The following ZNF695 variants were observed in gnomAD, a reference collection of about 807,000 sequenced individuals.
ZNF695 encodes zinc finger protein SBZF3.
ZNF695 carries 11 observed loss-of-function variants against 11.2 expected under a neutral mutation model. The observed-to-expected ratio is 0.98, with a 90% confidence interval of 0.62 to 1.62. ZNF695 has a LOEUF of 1.62. Ranked by LOEUF, ZNF695 falls within the 40% of genes most tolerant of loss-of-function variation. ZNF695 has a pLI of 0.00. For missense variants in ZNF695, 559 were observed against 590.5 expected (o/e 0.95, Z 0.55); for synonymous variants, 190 against 201.4 (o/e 0.94, Z 0.48).
intron 5 of ZNF695, among the ~76,000 whole-genome samples, chr1:246,962,849 C>T (rs564178380): frequency 1.1e-4 from 17 of 152,218 alleles, no homozygotes; most frequent in African/African-American, 2.9e-4. Flanking sequence ...CCCGCCACCA[C>T]GCCCGGCTAA....
chr1:246,963,002 T>C (rs1450954060), intron 5 of ZNF695, among the ~76,000 whole-genome samples: 1 of 152,182 alleles, frequency 6.6e-6, no homozygotes, highest in Admixed American at 6.6e-5. Flanking sequence ...GATTCCTCGC[T>C]GCCTTTAGGC....
chr1:246,957,643 G>T (rs1311490722), intron 5 of ZNF695, among the ~76,000 whole-genome samples: 2 of 150,984 alleles, frequency 1.3e-5, no homozygotes, highest in Non-Finnish European at 3.0e-5. Flanking sequence ...GGCAGATTGG[G>T]TTTTTTTTTG....
At chr1:246,993,135 G>A (rs962403718) in intron 3 of ZNF695, among the ~76,000 whole-genome samples, 6 of 152,318 alleles carry the variant, frequency 3.9e-5, no homozygotes, top group African/African-American at 1.2e-4. Context: ...ATAGCCGGGT[G>A]CAGTGGCTCA....
At chr1:246,980,179 A>T (rs1317654482) in intron 4 of ZNF695, among the ~76,000 whole-genome samples, 4 of 92,508 alleles carry the variant, frequency 4.3e-5, no homozygotes, top group South Asian at 3.3e-4. Flanking sequence ...CTCTGTATTT[A>T]AAAAAAAAAA....
At chr1:246,995,920 C>A in intron 3 of ZNF695, 2 of 343,580 alleles carry the variant, frequency 5.8e-6, no homozygotes, top group African/African-American at 2.3e-5. Flanking sequence ...AACACAGAAA[C>A]AAACCTCCAC....
At chr1:246,997,716 A>C (rs1026242838) in intron 3 of ZNF695, among the ~76,000 whole-genome samples, 1 of 152,234 alleles carries the variant, frequency 6.6e-6, no homozygotes, top group Admixed American at 6.5e-5. Context: ...CATATACATA[A>C]TAGAGTATTA....
chr1:246,959,639 G>A (rs1384061032), intron 5 of ZNF695, among the ~76,000 whole-genome samples: 2 of 151,742 alleles, frequency 1.3e-5, no homozygotes, highest in Non-Finnish European at 2.9e-5. Flanking sequence ...TCTTGGCCAG[G>A]CTGGTCTCGA....
At chr1:246,945,933 T>C (rs1386149173) in intron 5 of ZNF695, 6 of 1,387,626 alleles carry the variant, frequency 4.3e-6, no homozygotes, top group Admixed American at 2.0e-5. Context: ...CTTGGTTCCA[T>C]TGGAGAAGTC....
rs1191133135 is a variant in ZNF695, at chr1:247,006,286, C to G, written c.3+1620G>C. Among the ~76,000 whole-genome samples the G allele has an allele frequency of 7.3e-5, 11 of 150,606 alleles. No homozygotes were observed. The South Asian group carries it at 2.3e-3, about 32-fold the overall frequency. On this transcript the variant is annotated intron_variant, in intron 1 of 3. Transcript: ENST00000339986. ...CACTGTGAAAAAAACAAAAAAGAAC[C>G]GTTAAAATCTTGCATCTGTTTGAAA...
intron 3 of ZNF695, among the ~76,000 whole-genome samples, chr1:246,997,411 G>A (rs1177538189): frequency 6.6e-6 from 1 of 151,862 alleles, no homozygotes; most frequent in Non-Finnish European, 1.5e-5. Flanking sequence ...GCTGAGGCAG[G>A]ATAATCTCTT....
At chr1:246,995,867 T>C (rs1015597237) in intron 3 of ZNF695, among the ~76,000 whole-genome samples, 2 of 150,160 alleles carry the variant, frequency 1.3e-5, no homozygotes, top group Non-Finnish European at 3.0e-5. Context: ...CAGTTTGGTA[T>C]TGGCATAAAG....
intron 5 of ZNF695, among the ~76,000 whole-genome samples, chr1:246,956,920 C>A (rs914973496): frequency 2.6e-5 from 4 of 151,896 alleles, no homozygotes; most frequent in Non-Finnish European, 5.9e-5. Context: ...CATGTTGTGA[C>A]TGTAATATTT....
chr1:246,954,733 G>A (rs75790299), intron 5 of ZNF695, among the ~76,000 whole-genome samples: 1,579 of 152,246 alleles, frequency 0.01, 21 homozygotes, highest in African/African-American at 0.035. Flanking sequence ...CTTCCAGCTC[G>A]AAACTCTGAC....
chr1:246,971,616 G>A (rs1668428437), intron 4 of ZNF695, among the ~76,000 whole-genome samples: 1 of 152,146 alleles, frequency 6.6e-6, no homozygotes, highest in Non-Finnish European at 1.5e-5. Flanking sequence ...TTCTCACTGT[G>A]TCCCTTCAGC....
intron 1 of ZNF695, among the ~76,000 whole-genome samples, chr1:247,006,659 T>C (rs1339057498): frequency 6.6e-6 from 1 of 152,124 alleles, no homozygotes; most frequent in Non-Finnish European, 1.5e-5. Context: ...TAGTTGATAA[T>C]GTTGTGTTTG....
intron 4 of ZNF695, among the ~76,000 whole-genome samples, chr1:246,978,759 G>A (rs1035519271): frequency 6.6e-6 from 1 of 152,146 alleles, no homozygotes; most frequent in Admixed American, 6.5e-5. Context: ...GTAGGATAAC[G>A]GGTTGCTGGG....
chr1:246,973,766 C>A (rs190986439), intron 4 of ZNF695, among the ~76,000 whole-genome samples: 64 of 152,272 alleles, frequency 4.2e-4, no homozygotes, highest in African/African-American at 1.5e-3. Flanking sequence ...AAAAACATAT[C>A]CACAATCACA....
Position 246,986,805 on chromosome 1 carries a change from G to A in ZNF695, c.*162C>T, listed in dbSNP as rs1209982916. ...TTGAACCGGTCTATTTGTATTGTTC[G>A]TAGCCTAAACATTTTAGTGCACTCA... On this transcript the variant is annotated 3_prime_UTR_variant, in exon 4 of 4. Transcript: ENST00000339986. 43 of 1,398,024 alleles carry A rather than the reference G, an allele frequency of 3.1e-5. No individual in the cohort carries two copies. Among genetic ancestry groups the A allele is most frequent in the Admixed American group, 9.5e-5 (3 of 31,682 alleles). The allele number at this position is 1,398,024 out of a possible 1,614,324, so 86.6% of individuals were successfully genotyped here. A position where few individuals can be genotyped will look rare whatever the true frequency, so the allele number is the denominator to read the frequency against.
chr1:246,983,815 C>T (rs1668771915), downstream of ZNF695, among the ~76,000 whole-genome samples: 1 of 151,844 alleles, frequency 6.6e-6, no homozygotes, highest in African/African-American at 2.4e-5. Flanking sequence ...GAGACTCAGT[C>T]TCAAAACAAA....
Sources: gnomAD v4.1 joint callset for allele counts (sites outside exome capture counted in the v4.1 genomes callset) on GRCh38, gnomAD v4.1.1 for gene constraint, MANE v1.5 for transcripts, NCBI Gene and HGNC (gene_info 2026-07-23, HGNC 2026-07-21) for gene names.